FCHSD2: variants seen among roughly 807,000 people sequenced by gnomAD.
FCHSD2 encodes the protein FCH and double SH3 domains 2.
FCHSD2 carries 38 observed loss-of-function variants against 108.1 expected under a neutral mutation model. That is an observed-to-expected ratio of 0.35 (90% CI 0.27 to 0.46). FCHSD2 has a LOEUF of 0.46. Ranked by LOEUF, FCHSD2 falls within the 20% of genes least tolerant of loss-of-function variation. FCHSD2 has a pLI of 1.00. For synonymous variants in FCHSD2, 279 were observed against 314.7 expected (o/e 0.89, Z 1.20); for missense variants, 751 against 897.8 (o/e 0.84, Z 2.09).
chr11:72,857,059 T>C (rs1861444938), intron 13 of FCHSD2, among the ~76,000 whole-genome samples: 1 of 152,218 alleles, frequency 6.6e-6, no homozygotes, highest in South Asian at 2.1e-4. Flanking sequence ...AAACATTTTA[T>C]CTTGGCAACC....
intron 8 of FCHSD2, among the ~76,000 whole-genome samples, chr11:72,966,886 G>T (rs903136058): frequency 6.6e-6 from 1 of 152,162 alleles, no homozygotes; most frequent in African/African-American, 2.4e-5. Flanking sequence ...TTTGGACTGG[G>T]ATGTGAACCC....
chr11:73,101,401 G>A (rs1860221851), intron 2 of FCHSD2, among the ~76,000 whole-genome samples: 1 of 152,122 alleles, frequency 6.6e-6, no homozygotes, highest in Admixed American at 6.5e-5. Context: ...GGGAACTACT[G>A]AGGGAGGTAA....
chr11:72,938,938 G>A (rs1489626317), intron 8 of FCHSD2, among the ~76,000 whole-genome samples: 2 of 152,112 alleles, frequency 1.3e-5, no homozygotes. Flanking sequence ...AAAAAATATA[G>A]TAAGGATAGG....
At chr11:72,869,849 A>C (rs1854813517) in intron 12 of FCHSD2, among the ~76,000 whole-genome samples, 2 of 152,284 alleles carry the variant, frequency 1.3e-5, no homozygotes, top group South Asian at 4.2e-4. Flanking sequence ...CATCTTTTAC[A>C]GTCTGTGAAT....
chr11:73,073,689 C>A (rs911455569), intron 3 of FCHSD2, among the ~76,000 whole-genome samples: 1 of 152,146 alleles, frequency 6.6e-6, no homozygotes, highest in African/African-American at 2.4e-5. Context: ...CGTAATAATT[C>A]TATAAAATTA....
At chr11:72,847,802 C>A (rs1242780425) in intron 14 of FCHSD2, among the ~76,000 whole-genome samples, 1 of 150,874 alleles carries the variant, frequency 6.6e-6, no homozygotes, top group Non-Finnish European at 1.5e-5. Context: ...AAGTGATTCT[C>A]CTGCCTCAGC....
intron 2 of FCHSD2, among the ~76,000 whole-genome samples, chr11:73,099,221 T>G (rs1186263889): frequency 6.6e-6 from 1 of 151,852 alleles, no homozygotes; most frequent in Non-Finnish European, 1.5e-5. Context: ...CTTCCAAAAA[T>G]AAACACACAA....
chr11:72,944,004 A>G (rs1248747396), intron 8 of FCHSD2, among the ~76,000 whole-genome samples: 1 of 152,194 alleles, frequency 6.6e-6, no homozygotes, highest in East Asian at 1.9e-4. Flanking sequence ...TTCTAAAACT[A>G]TTCCAATGAA....
intron 3 of FCHSD2, among the ~76,000 whole-genome samples, chr11:73,045,148 C>T (rs1016025960): frequency 1.1e-4 from 17 of 151,814 alleles, no homozygotes; most frequent in Admixed American, 1.3e-4. Context: ...ATTTATGCAG[C>T]CAAAAAACAC....
At chr11:72,883,139 C>A (rs1461096852) in intron 12 of FCHSD2, among the ~76,000 whole-genome samples, 1 of 152,090 alleles carries the variant, frequency 6.6e-6, no homozygotes, top group Non-Finnish European at 1.5e-5. Context: ...AAAAACCAAA[C>A]ATGACCCTTA....
chr11:72,981,681 C>T (rs375543755), intron 8 of FCHSD2, among the ~76,000 whole-genome samples: 1 of 152,150 alleles, frequency 6.6e-6, no homozygotes, highest in Admixed American at 6.5e-5. Flanking sequence ...ATACCTAATA[C>T]GATACTAAAA....
intron 13 of FCHSD2, among the ~76,000 whole-genome samples, chr11:72,856,588 G>T (rs1463671260): frequency 6.6e-6 from 1 of 152,126 alleles, no homozygotes; most frequent in Admixed American, 6.6e-5. Context: ...CATATTTATT[G>T]CCACCATTTC....
chr11:73,129,782 G>T (rs1293513649), intron 2 of FCHSD2, among the ~76,000 whole-genome samples: 1 of 151,922 alleles, frequency 6.6e-6, no homozygotes, highest in Non-Finnish European at 1.5e-5. Flanking sequence ...ACTGGTCCCT[G>T]GTGCCAAAAA....
chr11:72,857,539 A>C (rs1476451458), intron 13 of FCHSD2, among the ~76,000 whole-genome samples: 1 of 149,704 alleles, frequency 6.7e-6, no homozygotes, highest in Non-Finnish European at 1.5e-5. Flanking sequence ...CTTGGGTTCA[A>C]GCGATTCTCC....
intron 2 of FCHSD2, among the ~76,000 whole-genome samples, chr11:73,123,167 T>TG (rs1399311250): frequency 6.6e-6 from 1 of 152,232 alleles, no homozygotes; most frequent in African/African-American, 2.4e-5. Flanking sequence ...TATCATCTAT[T>TG]GGGGTACACA....
At chr11:72,874,159 G>T (rs903248124) in intron 12 of FCHSD2, among the ~76,000 whole-genome samples, 5 of 152,104 alleles carry the variant, frequency 3.3e-5, no homozygotes, top group Non-Finnish European at 7.4e-5. Flanking sequence ...TTTGCATATG[G>T]ATATCCACTT....
chr11:73,032,564 A>G (rs765997302), intron 3 of FCHSD2, among the ~76,000 whole-genome samples: 12 of 151,760 alleles, frequency 7.9e-5, no homozygotes, highest in Non-Finnish European at 8.8e-5. Context: ...TTTAAAGCAA[A>G]TGTTTATTAC....
At chr11:73,077,575 T>C (rs943341092) in intron 3 of FCHSD2, 3 of 409,734 alleles carry the variant, frequency 7.3e-6, no homozygotes, top group South Asian at 3.6e-5. Context: ...CAAATGTTTA[T>C]AGCAACTTTA....
intron 2 of FCHSD2, among the ~76,000 whole-genome samples, chr11:73,091,436 C>G (rs1245938017): frequency 1.3e-5 from 2 of 151,932 alleles, no homozygotes; most frequent in African/African-American, 4.8e-5. Flanking sequence ...GTAATCCCAG[C>G]TACATGGGAG....
Sources: allele counts gnomAD v4.1 joint callset (sites outside exome capture counted in the v4.1 genomes callset), GRCh38; gene constraint gnomAD v4.1.1; transcripts MANE v1.5; gene names NCBI Gene and HGNC (gene_info 2026-07-23, HGNC 2026-07-21).